TRIM22: variants seen among roughly 807,000 people sequenced by gnomAD.
The protein encoded by TRIM22 is E3 ubiquitin-protein ligase TRIM22.
In TRIM22, 45 loss-of-function variants were observed where a neutral mutation model predicts 53.6. The observed-to-expected ratio is 0.84, with a 90% confidence interval of 0.66 to 1.08. TRIM22 has a LOEUF of 1.08. Ranked by LOEUF, TRIM22 falls within the 50% of genes least tolerant of loss-of-function variation. TRIM22 has a pLI of 0.00. For missense variants in TRIM22, 616 were observed against 590.9 expected, an observed-to-expected ratio of 1.04 and a Z score of -0.44; for synonymous variants, 225 against 216.6, an observed-to-expected ratio of 1.04 and a Z score of -0.34.
chr11:5,695,457 A>G (rs1329170229), intron 1 of TRIM22, among the ~76,000 whole-genome samples: 1 of 152,156 alleles, frequency 6.6e-6, no homozygotes, highest in African/African-American at 2.4e-5. Context: ...TAATTCAGAC[A>G]CCAAAGACAT....
chr11:5,708,276 A>G lies in TRIM22; in HGVS notation c.874+3A>G. 1.2e-6 allele frequency: 2 copies of G among 1,611,182 alleles called. No individual in the cohort carries two copies. Among genetic ancestry groups the G allele is most frequent in the Non-Finnish European group, 1.7e-6 (2 of 1,177,312 alleles). ...TGGGATGCTGCAAGTTCTTAAAGGT[A>G]AGGGGATTCAGGGGAAGGCTGTGAA... On this transcript the variant is annotated splice_donor_region_variant and intron_variant, in intron 6 of 7. Transcript: ENST00000379965.
intron 4 of TRIM22, among the ~76,000 whole-genome samples, chr11:5,701,873 G>A (rs1425544919): frequency 2.0e-5 from 3 of 152,094 alleles, no homozygotes; most frequent in Middle Eastern, 3.4e-3. Context: ...CTGCTACGTT[G>A]TTAGAGCAAC....
rs71053298 is a variant in TRIM22, at chr11:5,699,530, C to CAAAAAAAAA, written c.750+1016_750+1024dup. On this transcript the variant is annotated intron_variant, in intron 4 of 7. Transcript: ENST00000379965. ...TGGGCGACAGAGCGAGACTCCGTCT[C>CAAAAAAAAA]AAAAAAAAAAAAAAAAAAAAAAAAA... 2.5e-4 allele frequency among the ~76,000 whole-genome samples: 7 copies of CAAAAAAAAA among 28,544 alleles called. 1 individual carries two copies. The highest frequency in any genetic ancestry group is 3.6e-3 in the East Asian group (2 of 554). 18.7% of individuals were successfully genotyped at this position (28,544 alleles called of 152,430 possible).
chr11:5,708,050 C>CT, intron 5 of TRIM22, 123 bp from the exon 6 acceptor site: 1 of 722,580 alleles, frequency 1.4e-6, no homozygotes. Flanking sequence ...CTCCCCTCTA[C>CT]TGTCCTCAGG....
intron 4 of TRIM22, among the ~76,000 whole-genome samples, chr11:5,703,446 C>T (rs1333158207): frequency 1.3e-5 from 2 of 150,890 alleles, no homozygotes; most frequent in African/African-American, 4.9e-5. Context: ...AGAGCAGTGG[C>T]GCAATCTTGG....
chr11:5,694,986 C>A (rs1159944677), intron 1 of TRIM22, among the ~76,000 whole-genome samples: 7 of 152,140 alleles, frequency 4.6e-5, no homozygotes, highest in Non-Finnish European at 5.9e-5. Flanking sequence ...AAGGTCTAAT[C>A]ATCTATGGAG....
rs1334659269 is a variant in TRIM22, at chr11:5,708,617, G to T, written c.901+14G>T. On this transcript the variant is annotated intron_variant, in intron 7 of 7. Transcript: ENST00000379965. ...AGTACTACTGGGGTAAGATGATATG[G>T]GGTTTTCAAATCACTTCCTTTCAGA... The T allele has an allele frequency of 6.2e-7, 1 of 1,604,510 alleles. No homozygotes were observed.
In TRIM22 at chr11:5,709,072, A is replaced by ATC; in HGVS notation, c.921_922insTC (p.Gly308SerfsTer17). 1 of 1,613,102 alleles carries ATC rather than the reference A, an allele frequency of 6.2e-7. No homozygotes were observed. The highest frequency in any genetic ancestry group is 1.1e-5 in the South Asian group (1 of 91,066). ...CTACAGTGGACGTGATGCTGAATCCAGGCAGTGCCACTTCGAATGTTGCTA... is the reference window on the plus strand; with the variant it reads ...CTACAGTGGACGTGATGCTGAATCCATCGGCAGTGCCACTTCGAATGTTGCTA... On this transcript the variant is annotated frameshift_variant, in exon 8 of 8. Transcript: ENST00000379965. LOFTEE classifies it high-confidence loss of function.
At chr11:5,690,879 C>T (rs749456581) in intron 1 of TRIM22, 5 of 152,330 alleles carry the variant, frequency 3.3e-5, no homozygotes, top group Admixed American at 6.5e-5. Context: ...GGGTATGAGG[C>T]GAAGGAGTCT....
chr11:5,698,038 G>A, intron 3 of TRIM22: 1 of 352,306 alleles, frequency 2.8e-6, no homozygotes, highest in Non-Finnish European at 5.4e-6. Context: ...AGGCAAAGTT[G>A]TTCAGGACAG....
chr11:5,706,734 TAAATTGTCCC>T (rs1853462294), intron 5 of TRIM22, 118 bp downstream of exon 5: 1 of 1,073,910 alleles, frequency 9.3e-7, no homozygotes, highest in Non-Finnish European at 1.3e-6. Flanking sequence ...ATTTGTGTAT[TAAATTGTCCC>T]AAATTGCTAG....
chr11:5,696,822 C>A, intron 2 of TRIM22, 167 bp downstream of exon 2: 1 of 691,892 alleles, frequency 1.4e-6, no homozygotes, highest in Non-Finnish European at 2.3e-6. Context: ...AAGGACACTG[C>A]TGCACATTGT....
chr11:5,695,322 T>G (rs1303887949), intron 1 of TRIM22, among the ~76,000 whole-genome samples: 1 of 152,156 alleles, frequency 6.6e-6, no homozygotes, highest in Non-Finnish European at 1.5e-5. Flanking sequence ...GAGGATCATT[T>G]TATGCAGAGA....
intron 4 of TRIM22, among the ~76,000 whole-genome samples, chr11:5,705,451 C>A (rs556715809): frequency 5.9e-5 from 9 of 152,008 alleles, no homozygotes; most frequent in African/African-American, 2.2e-4. Flanking sequence ...ATACTTGACC[C>A]CTTGAATTTG....
chr11:5,707,156 T>G (rs1412447730), intron 5 of TRIM22, among the ~76,000 whole-genome samples: 1 of 152,220 alleles, frequency 6.6e-6, no homozygotes, highest in Non-Finnish European at 1.5e-5. Context: ...AAAAATAATA[T>G]TCTTGTGTCT....
intron 1 of TRIM22, among the ~76,000 whole-genome samples, chr11:5,693,120 C>T (rs1331100655): frequency 6.6e-6 from 1 of 150,654 alleles, no homozygotes; most frequent in Non-Finnish European, 1.5e-5. Flanking sequence ...CTCCTGACCT[C>T]AGGTAATCTG....
At chr11:5,698,900 CCTAT>C (rs1451699257) in intron 4 of TRIM22, among the ~76,000 whole-genome samples, 2 of 152,186 alleles carry the variant, frequency 1.3e-5, no homozygotes, top group Admixed American at 6.5e-5. Flanking sequence ...CTCCTGGCAG[CCTAT>C]CTGTTTTCTG....
Position 5,709,506 on chromosome 11 carries a change from G to A in TRIM22, c.1355G>A (p.Gly452Asp). 2.5e-6 allele frequency: 4 copies of A among 1,614,016 alleles called. No homozygotes were observed. Among genetic ancestry groups the A allele is most frequent in the Non-Finnish European group, 3.4e-6 (4 of 1,180,000 alleles). ...RIGVFLDYEA[G>D]IVSFFNVTNH... ...GGGGTTTTCCTAGACTATGAGGCAGGCATTGTCTCATTTTTCAATGTCACA... is the reference window on the plus strand; with the variant it reads ...GGGGTTTTCCTAGACTATGAGGCAGACATTGTCTCATTTTTCAATGTCACA... Residue 452 changes from glycine (G) to aspartate (D), a missense_variant, in exon 8 of 8, where the codon GGC becomes GAC. Gly to Asp is a moderately conservative substitution (Grantham distance 94). Transcript: ENST00000379965.
In TRIM22 at chr11:5,696,346, C is replaced by A; in HGVS notation, c.114C>A (p.Cys38Ter). The change falls in exon 2 of 8, where the codon TGC becomes TGA. Residue 38 changes from cysteine (C) to a stop codon, truncating the protein, a stop_gained. Transcript: ENST00000379965. LOFTEE classifies it high-confidence loss of function. ...LDCGHSFCQA[C>*]ITAKIKESVI... Reference sequence around the variant, plus strand: ...GTGGCCACAGCTTCTGCCAAGCCTGCATCACTGCAAAGATCAAGGAGTCAG... The same window carrying A: ...GTGGCCACAGCTTCTGCCAAGCCTGAATCACTGCAAAGATCAAGGAGTCAG... The A allele has an allele frequency of 6.2e-7, 1 of 1,614,260 alleles. No individual in the cohort carries two copies. Among genetic ancestry groups the A allele is most frequent in the Non-Finnish European group, 8.5e-7 (1 of 1,180,048 alleles).
Sources: gnomAD v4.1 joint callset for allele counts (sites outside exome capture counted in the v4.1 genomes callset) on GRCh38, gnomAD v4.1.1 for gene constraint, MANE v1.5 for transcripts, NCBI Gene and HGNC (gene_info 2026-07-23, HGNC 2026-07-21) for gene names.